The following GMEB2 variants were observed in gnomAD, a reference collection of about 807,000 sequenced individuals.
GMEB2 encodes the protein glucocorticoid modulatory element binding protein 2.
In GMEB2, 7 loss-of-function variants were observed where a neutral mutation model predicts 45.7. That is an observed-to-expected ratio of 0.15 (90% CI 0.09 to 0.29). The LOEUF (loss-of-function observed/expected upper bound fraction) is 0.29. Ranked by LOEUF, GMEB2 falls within the 10% of genes least tolerant of loss-of-function variation. The pLI is 1.00. For synonymous variants in GMEB2, 322 were observed against 323.6 expected (o/e 1.00, Z 0.05); for missense variants, 582 against 739.2 (o/e 0.79, Z 2.47).
rs751364759 is a variant in GMEB2 at position 63,597,821 on chromosome 20, G to C, written c.397C>G (p.Leu133Val). Residue 133 changes from leucine to valine, a missense_variant, in exon 5 of 10, where the codon CTG becomes GTG. By Grantham distance (32) the Leu-to-Val change is conservative. Transcript: ENST00000370077. The stretch of plus-strand genomic sequence containing the variant: ...TCCTTCAGGGTGGACTTCCCGGCCA[G>C]GTGCACAAATTCCTTTGGGCTGATT... ...HVISPKEFVH[L>V]AGKSTLKDWK... The C allele has an allele frequency of 6.2e-7, 1 of 1,611,290 alleles. No homozygotes were observed. The highest frequency in any genetic ancestry group is 1.1e-5 in the South Asian group (1 of 91,012).
intron 2 of GMEB2, among the ~76,000 whole-genome samples, chr20:63,610,078 C>A (rs2089557525): frequency 6.6e-6 from 1 of 152,236 alleles, no homozygotes; most frequent in Non-Finnish European, 1.5e-5. Flanking sequence ...GAACAAGTCT[C>A]CAGTTTCTGG....
intron 1 of GMEB2, among the ~76,000 whole-genome samples, chr20:63,621,318 A>G (rs1487786192): frequency 6.6e-6 from 1 of 152,188 alleles, no homozygotes; most frequent in Non-Finnish European, 1.5e-5. Flanking sequence ...CTGGAAATGG[A>G]CGGCGGTGAT....
chr20:63,606,869 G>A (rs958724130), intron 2 of GMEB2, among the ~76,000 whole-genome samples: 34 of 152,180 alleles, frequency 2.2e-4, no homozygotes, highest in Admixed American at 2.0e-4. Flanking sequence ...CAGTACATGA[G>A]GCCACTTTCC....
chr20:63,626,885 T>G (rs2089678891), intron 1 of GMEB2, 71 bp downstream of exon 1: 2 of 145,470 alleles, frequency 1.4e-5, no homozygotes, highest in East Asian at 2.1e-4. Flanking sequence ...GACCCCTGAC[T>G]GGACGGCGGC....
chr20:63,612,820 C>T (rs979417510), intron 2 of GMEB2, among the ~76,000 whole-genome samples: 3 of 152,210 alleles, frequency 2.0e-5, no homozygotes, highest in Non-Finnish European at 4.4e-5. Context: ...ACCAGCAGGT[C>T]CTTGCCAAGC....
chr20:63,589,285 C>T lies in GMEB2; in HGVS notation c.*804G>A. 1 of 398,546 alleles carries T rather than the reference C, an allele frequency of 2.5e-6. No individual in the cohort carries two copies. The highest frequency in any genetic ancestry group is 4.4e-6 in the Non-Finnish European group (1 of 226,082). 24.7% of individuals were successfully genotyped at this position (398,546 alleles called of 1,614,324 possible). Reference sequence around the variant, plus strand: ...AGTGCACTCACAGGGGCTCAGGGGCCACCCAAAGAGCTAACTCGGGAAGCC... The same window carrying T: ...AGTGCACTCACAGGGGCTCAGGGGCTACCCAAAGAGCTAACTCGGGAAGCC... On this transcript the variant is annotated 3_prime_UTR_variant, in exon 10 of 10. Coordinates refer to ENST00000370077, the MANE Select transcript of GMEB2 (RefSeq NM_012384.5).
intron 4 of GMEB2, among the ~76,000 whole-genome samples, chr20:63,601,340 C>T (rs541591408): frequency 1.2e-3 from 189 of 152,258 alleles, no homozygotes; most frequent in African/African-American, 4.4e-3. Flanking sequence ...ACTCTCTCTC[C>T]TCCTTCCAGA....
chr20:63,609,653 C>CT (rs1555894325), intron 2 of GMEB2, among the ~76,000 whole-genome samples: 1 of 18,520 alleles, frequency 5.4e-5, no homozygotes, highest in African/African-American at 1.3e-4. Context: ...CCCCTCTGAC[C>CT]CACCTCCATT....
At chr20:63,596,052 G>A (rs921284877) in intron 5 of GMEB2, among the ~76,000 whole-genome samples, 4 of 152,234 alleles carry the variant, frequency 2.6e-5, no homozygotes, top group African/African-American at 9.6e-5. Context: ...AGAGTCTGTG[G>A]GGCTGGGCCT....
chr20:63,590,857 C>T, intron 9 of GMEB2, 128 bp from the exon 10 acceptor site: 1 of 530,816 alleles, frequency 1.9e-6, no homozygotes, highest in South Asian at 3.4e-5. Context: ...GTCTGCTCAC[C>T]TGATGCCACA....
At chr20:63,612,869 C>A (rs183125613) in intron 2 of GMEB2, among the ~76,000 whole-genome samples, 1 of 152,340 alleles carries the variant, frequency 6.6e-6, no homozygotes, top group East Asian at 1.9e-4. Context: ...CCGGCCCAGA[C>A]CAGCAGAACC....
chr20:63,626,833 G>A (rs1011015151), intron 1 of GMEB2, 123 bp downstream of exon 1: 1 of 146,390 alleles, frequency 6.8e-6, no homozygotes, highest in Non-Finnish European at 1.5e-5. Flanking sequence ...CCCTCCCCCG[G>A]CCCTCCCCTC....
In GMEB2 at chr20:63,590,590, G is replaced by A; in HGVS notation, c.1092C>T (p.Ala364=). 6.3e-7 allele frequency: 1 copy of A among 1,589,594 alleles called. No homozygotes were observed. Among genetic ancestry groups the A allele is most frequent in the Non-Finnish European group, 8.6e-7 (1 of 1,167,072 alleles). Residue 364 remains alanine (A), a synonymous_variant, in exon 10 of 10, where the codon GCC becomes GCT. Coordinates refer to ENST00000370077, the MANE Select transcript of GMEB2 (RefSeq NM_012384.5). Reference sequence around the variant, plus strand: ...AGGCCATGGCGGCCGGTCCTGATGTGGCACGTGCAAGCCGGGGCCGCTTCA... The same window carrying A: ...AGGCCATGGCGGCCGGTCCTGATGTAGCACGTGCAAGCCGGGGCCGCTTCA... ...PPVKRPRLAR[A]TSGPAAMASQ...
intron 2 of GMEB2, among the ~76,000 whole-genome samples, chr20:63,616,063 T>C (rs1176776461): frequency 3.3e-5 from 5 of 152,210 alleles, no homozygotes; most frequent in African/African-American, 1.2e-4. Context: ...ATGAAATAAT[T>C]TTCTACCATA....
At chr20:63,626,326 G>C (rs1224797223) in intron 1 of GMEB2, among the ~76,000 whole-genome samples, 1 of 150,196 alleles carries the variant, frequency 6.7e-6, no homozygotes, top group African/African-American at 2.5e-5. Flanking sequence ...GCGTCCCTGC[G>C]GGTCGGGTGC....
Position 63,592,515 on chromosome 20 carries a change from G to T in GMEB2, c.829+18C>A, listed in dbSNP as rs201344944. 1.9e-6 allele frequency: 3 copies of T among 1,598,056 alleles called. No individual in the cohort carries two copies. Among genetic ancestry groups the T allele is most frequent in the African/African-American group, 2.7e-5 (2 of 74,346 alleles). ...CCTGGGCTGAGTAGCCAGCAAGAGG[G>T]AAGATGCAGCTTCTCACCTCGAAGC... On this transcript the variant is annotated intron_variant, in intron 8 of 9. Transcript: ENST00000370077. The surrounding 1 kb of genome is among the most constrained non-coding windows in gnomAD (Gnocchi z 8.2).
intron 2 of GMEB2, among the ~76,000 whole-genome samples, chr20:63,607,538 C>T (rs2089531141): frequency 3.7e-5 from 1 of 27,288 alleles, no homozygotes; most frequent in South Asian, 1.1e-3. Context: ...GCCCCTCTGA[C>T]CCCACCTCCA....
intron 2 of GMEB2, among the ~76,000 whole-genome samples, chr20:63,618,184 G>A (rs1406592376): frequency 6.6e-6 from 1 of 152,180 alleles, no homozygotes; most frequent in African/African-American, 2.4e-5. Flanking sequence ...CCAAGGTGCT[G>A]ACAAAGGAAA....
At chr20:63,595,506 G>A (rs311490) in intron 6 of GMEB2, 104 bp downstream of exon 6, 573,532 of 1,046,738 alleles carry the variant, frequency 0.55, 163,133 homozygotes, top group Middle Eastern at 0.61. Flanking sequence ...CAGTCCTGGC[G>A]TGAGCAAACG....
Sources: gnomAD v4.1 joint callset for allele counts (sites outside exome capture counted in the v4.1 genomes callset) on GRCh38, gnomAD v4.1.1 for gene constraint, Gnocchi (gnomAD v3.1) non-coding constraint, MANE v1.5 for transcripts, NCBI Gene and HGNC (gene_info 2026-07-23, HGNC 2026-07-21) for gene names.